The following OGDH variants were observed in gnomAD, a reference collection of about 807,000 sequenced individuals.
OGDH encodes 2-oxoglutarate dehydrogenase complex component E1.
A neutral mutation model predicts 116.6 loss-of-function variants in OGDH; 38 were observed. The ratio of observed to expected loss-of-function variants is 0.33; its 90% confidence interval spans 0.25 to 0.43. The LOEUF is 0.43. Among genes scored for constraint, OGDH ranks in the 20% least tolerant of loss-of-function variants. The pLI is 1.00. For synonymous variants in OGDH, 488 were observed against 533.3 expected (o/e 0.92, Z 1.17); for missense variants, 825 against 1,357.2 (o/e 0.61, Z 6.16).
rs1190137967 is a variant in OGDH at position 44,694,254 on chromosome 7, G to A, written c.1516-170G>A. On this transcript the variant is annotated intron_variant, in intron 11 of 22. Coordinates refer to ENST00000222673, the MANE Select transcript of OGDH (RefSeq NM_002541.4). This position sits in a 1 kb window ranked among gnomAD's most constrained non-coding sequence, Gnocchi z 4.2. ...CTCATTGACAGAGCAGCTCTACTGT[G>A]TGAAGGAGAGATACACAGAATCCTA... Among the ~76,000 whole-genome samples, 1 of 152,122 alleles carries A rather than the reference G, an allele frequency of 6.6e-6. No homozygotes were observed. Among genetic ancestry groups the A allele is most frequent in the Non-Finnish European group, 1.5e-5 (1 of 68,030 alleles).
Position 44,707,883 on chromosome 7 carries a change from G to A in OGDH, c.2956G>A (p.Ala986Thr), listed in dbSNP as rs1443264819. Residue 986 changes from alanine to threonine, a missense_variant, in exon 23 of 23, where the codon GCC becomes ACC. Transcript: ENST00000222673. The surrounding 1 kb of genome is among the most constrained non-coding windows in gnomAD (Gnocchi z 5.2). ...TISRAKPVWY[A>T]GRDPAAAPAT... ...CCCCCTCCCTCCATCTCTCAGGTAT[G>A]CCGGCCGGGACCCAGCGGCTGCTCC... 1 of 1,612,716 alleles carries A rather than the reference G, an allele frequency of 6.2e-7. No homozygotes were observed. The highest frequency in any genetic ancestry group is 8.5e-7 in the Non-Finnish European group (1 of 1,179,502).
At position 44,694,407 on chromosome 7, in the gene OGDH, C is replaced by T. The variant is rs1315020764; in HGVS notation, c.1516-17C>T. 14 of 1,613,198 alleles carry T rather than the reference C, an allele frequency of 8.7e-6. No individual in the cohort carries two copies. In the East Asian group the frequency reaches 3.1e-4, roughly 36 times the overall value. On this transcript the variant is annotated splice_polypyrimidine_tract_variant and intron_variant, in intron 11 of 22. Coordinates refer to ENST00000222673, the MANE Select transcript of OGDH (RefSeq NM_002541.4). The surrounding 1 kb of genome is among the most constrained non-coding windows in gnomAD (Gnocchi z 4.2). ...GGCCAGCCCTTGTCTCTGACATCCT[C>T]TCACTGCTCTGAGCAGGTGTGTTAC... is the stretch of plus-strand genomic sequence containing the variant.
At position 44,624,532 on chromosome 7, in the gene OGDH, TGCTTG is replaced by T; in HGVS notation, c.193_197del (p.Trp65GlyfsTer8). 1 of 1,613,864 alleles carries T rather than the reference TGCTTG, an allele frequency of 6.2e-7. No homozygotes were observed. Among genetic ancestry groups the T allele is most frequent in the Non-Finnish European group, 8.5e-7 (1 of 1,180,024 alleles). On this transcript the variant is annotated frameshift_variant, in exon 2 of 23. Coordinates refer to ENST00000222673, the MANE Select transcript of OGDH (RefSeq NM_002541.4). LOFTEE classifies it high-confidence loss of function. ...CGAACTATGTGGAGGAGATGTACTG[TGCTTG>T]GCTGGAAAACCCCAAAAGTGTACAT...
At chr7:44,618,158 A>G (rs189526231) in intron 1 of OGDH, among the ~76,000 whole-genome samples, 23 of 152,300 alleles carry the variant, frequency 1.5e-4, no homozygotes, top group Non-Finnish European at 2.6e-4. Context: ...CTTGAAATTA[A>G]TGGATTACAA....
chr7:44,678,720 G>T (rs1273083208), intron 9 of OGDH, among the ~76,000 whole-genome samples: 1 of 152,208 alleles, frequency 6.6e-6, no homozygotes, highest in Non-Finnish European at 1.5e-5. Context: ...AGCAGGGTCA[G>T]TGTGGGGTCA....
chr7:44,624,250 C>G (rs1184476296), intron 1 of OGDH, 67 bp from the exon 2 acceptor site: 1 of 1,074,022 alleles, frequency 9.3e-7, no homozygotes, highest in Non-Finnish European at 1.4e-6. Context: ...GATCTAGTAG[C>G]CTTGTCTCCT....
At chr7:44,642,935 ATT>A (rs376634003) in intron 2 of OGDH, among the ~76,000 whole-genome samples, 2 of 151,084 alleles carry the variant, frequency 1.3e-5, no homozygotes, top group African/African-American at 4.9e-5. Context: ...AAAAAAAAAA[ATT>A]TTTAAATATA....
intron 1 of OGDH, among the ~76,000 whole-genome samples, chr7:44,618,123 C>T (rs565363808): frequency 6.6e-6 from 1 of 152,068 alleles, no homozygotes; most frequent in African/African-American, 2.4e-5. Flanking sequence ...TTATTTTTCC[C>T]AAATGTATGT....
chr7:44,694,922 A>G lies in OGDH; in HGVS notation c.1668+346A>G, dbSNP rs948638783. Among the ~76,000 whole-genome samples, 9 of 151,990 alleles carry G rather than the reference A, an allele frequency of 5.9e-5. No homozygotes were observed. Among genetic ancestry groups the G allele is most frequent in the Admixed American group, 5.2e-4 (8 of 15,252 alleles). ...TGGTAAGGGGCCTGTTGTAATCTGGATAGTAAGTGCTGGTTGGTTGTGAGT... is the reference window on the plus strand; with the variant it reads ...TGGTAAGGGGCCTGTTGTAATCTGGGTAGTAAGTGCTGGTTGGTTGTGAGT... On this transcript the variant is annotated intron_variant, in intron 12 of 22. Coordinates refer to ENST00000222673, the MANE Select transcript of OGDH (RefSeq NM_002541.4). This position sits in a 1 kb window ranked among gnomAD's most constrained non-coding sequence, Gnocchi z 4.2.
At position 44,606,896 on chromosome 7, in the gene OGDH, G is replaced by C. The variant is rs534237128; in HGVS notation, c.-28+243G>C. Among the ~76,000 whole-genome samples, 14 of 152,154 alleles carry C rather than the reference G, an allele frequency of 9.2e-5. No homozygotes were observed. The South Asian group carries it at 2.7e-3, about 29-fold the overall frequency. On this transcript the variant is annotated intron_variant, in intron 1 of 22. Coordinates refer to ENST00000222673, the MANE Select transcript of OGDH (RefSeq NM_002541.4). ...GCCTGCCCGGCGGGCGGAGATTGGC[G>C]GGTACGGGCGGGCTCCGAGGTCGCG...
intron 8 of OGDH, 21 bp downstream of exon 8, chr7:44,675,289 C>T (rs576316849): frequency 8.8e-6 from 14 of 1,597,882 alleles, no homozygotes; most frequent in Admixed American, 1.7e-5. Flanking sequence ...TGCATAGAGA[C>T]ACATCCAGCA....
At chr7:44,706,953 A>G (rs183697487) in intron 20 of OGDH, among the ~76,000 whole-genome samples, 1 of 152,280 alleles carries the variant, frequency 6.6e-6, no homozygotes, top group African/African-American at 2.4e-5. Flanking sequence ...CTTGTCCCCG[A>G]AGTCTGAGCC....
intron 14 of OGDH, 101 bp from the exon 15 acceptor site, chr7:44,696,813 C>A: frequency 7.1e-7 from 1 of 1,399,924 alleles, no homozygotes; most frequent in Non-Finnish European, 9.6e-7. Context: ...CCAGAAACTA[C>A]GAGTAAAGAA....
intron 1 of OGDH, among the ~76,000 whole-genome samples, chr7:44,608,102 A>G (rs1299780738): frequency 6.6e-6 from 1 of 151,944 alleles, no homozygotes; most frequent in Non-Finnish European, 1.5e-5. Flanking sequence ...CGATTCACCC[A>G]TTTGACGTGC....
At chr7:44,700,977 T>G (rs745306640) in intron 19 of OGDH, among the ~76,000 whole-genome samples, 5 of 152,160 alleles carry the variant, frequency 3.3e-5, no homozygotes, top group Non-Finnish European at 5.9e-5. Context: ...TGAGCCGAGA[T>G]CGCACCACTG....
chr7:44,660,409 T>C (rs776673594), intron 4 of OGDH, among the ~76,000 whole-genome samples: 65 of 152,232 alleles, frequency 4.3e-4, no homozygotes, highest in Admixed American at 1.1e-3. Context: ...AGAAGGGTGT[T>C]ATTTAGTTTC....
intron 19 of OGDH, among the ~76,000 whole-genome samples, chr7:44,701,030 C>CA (rs1335712462): frequency 4.0e-5 from 6 of 151,594 alleles, no homozygotes; most frequent in Middle Eastern, 3.2e-3. Flanking sequence ...TCTCAAAAAA[C>CA]AAAAAAAAGG....
At chr7:44,690,226 G>C (rs532376987) in intron 10 of OGDH, among the ~76,000 whole-genome samples, 1 of 152,198 alleles carries the variant, frequency 6.6e-6, no homozygotes, top group Admixed American at 6.5e-5. Context: ...TCCAACAGGG[G>C]AACCAGCTCC....
chr7:44,677,734 C>T (rs1787761292), intron 9 of OGDH, among the ~76,000 whole-genome samples: 1 of 151,854 alleles, frequency 6.6e-6, no homozygotes, highest in South Asian at 2.1e-4. Context: ...ATTAGCCGGG[C>T]ATGGTGGCAC....
Sources: allele counts gnomAD v4.1 joint callset (sites outside exome capture counted in the v4.1 genomes callset), GRCh38; gene constraint gnomAD v4.1.1; non-coding constraint Gnocchi (gnomAD v3.1); transcripts MANE v1.5; gene names NCBI Gene and HGNC (gene_info 2026-07-23, HGNC 2026-07-21).